Variants in ADD3 observed in about 807,000 individuals in gnomAD.
ADD3 encodes adducin 3, also known as gamma-adducin.
Under a neutral mutation model 80.2 loss-of-function variants are expected in ADD3, and 25 were observed. The observed-to-expected ratio is 0.31, with a 90% CI of 0.23 to 0.44. The LOEUF (loss-of-function observed/expected upper bound fraction) is 0.44. Among genes scored for constraint, ADD3 ranks in the 20% least tolerant of loss-of-function variants. The probability of loss-of-function intolerance (pLI) is 1.00; values close to 1 mark genes in which losing one functional copy is unlikely to be tolerated. For synonymous variants in ADD3, 284 were observed against 289.6 expected (o/e 0.98, Z 0.20); for missense variants, 829 against 847.5 (o/e 0.98, Z 0.27).
intron 1 of ADD3, among the ~76,000 whole-genome samples, chr10:110,067,559 G>A (rs1844119257): frequency 6.6e-6 from 1 of 152,134 alleles, no homozygotes; most frequent in Non-Finnish European, 1.5e-5. Flanking sequence ...GCTTATCTTG[G>A]ATTAAGTTTT....
At chr10:110,005,958 ACTC>A (rs1160880031), upstream of ADD3, 1 of 210,968 alleles carries the variant, frequency 4.7e-6, no homozygotes, top group South Asian at 6.2e-5. Flanking sequence ...AACACTTACT[ACTC>A]AGCATTGAGA....
At chr10:110,041,163 G>A (rs1276025525) in intron 1 of ADD3, among the ~76,000 whole-genome samples, 3 of 152,228 alleles carry the variant, frequency 2.0e-5, no homozygotes, top group Non-Finnish European at 4.4e-5. Context: ...CACAGCAGGA[G>A]ATTTTAAGTA....
chr10:110,088,176 A>G (rs1294102040), intron 1 of ADD3, among the ~76,000 whole-genome samples: 2 of 152,122 alleles, frequency 1.3e-5, no homozygotes, highest in Non-Finnish European at 2.9e-5. Flanking sequence ...TACAAACCCT[A>G]TTTTCAAATA....
chr10:110,023,401 T>C (rs1853915876), intron 1 of ADD3, among the ~76,000 whole-genome samples: 1 of 152,226 alleles, frequency 6.6e-6, no homozygotes, highest in African/African-American at 2.4e-5. Context: ...TAAATGTTTG[T>C]TGCTATATTA....
At chr10:110,003,997 C>T (rs1851540221), upstream of ADD3, among the ~76,000 whole-genome samples, 4 of 151,946 alleles carry the variant, frequency 2.6e-5, no homozygotes, top group African/African-American at 9.7e-5. Context: ...CCGTTAAGTG[C>T]CTTTATATAA....
chr10:110,085,431 A>G (rs1193289112), intron 1 of ADD3, among the ~76,000 whole-genome samples: 1 of 152,216 alleles, frequency 6.6e-6, no homozygotes, highest in African/African-American at 2.4e-5. Context: ...ATTCCCAGAA[A>G]TGGGCAATAG....
intron 1 of ADD3, among the ~76,000 whole-genome samples, chr10:110,038,352 A>T (rs1253887711): frequency 1.3e-5 from 2 of 152,306 alleles, no homozygotes; most frequent in African/African-American, 2.4e-5. Flanking sequence ...GATCTTTTGC[A>T]GCCAGCCTGT....
chr10:110,029,230 T>C (rs1182748215), intron 1 of ADD3, among the ~76,000 whole-genome samples: 1 of 152,232 alleles, frequency 6.6e-6, no homozygotes, highest in Non-Finnish European at 1.5e-5. Flanking sequence ...CAGTTTGGAA[T>C]GTAGACATTT....
At chr10:110,025,157 A>G (rs1441646778) in intron 1 of ADD3, among the ~76,000 whole-genome samples, 1 of 151,994 alleles carries the variant, frequency 6.6e-6, no homozygotes, top group African/African-American at 2.4e-5. Flanking sequence ...CGGCCTCCCA[A>G]AGTGCTGGGA....
intron 1 of ADD3, among the ~76,000 whole-genome samples, chr10:110,009,968 A>T (rs1192808630): frequency 6.6e-6 from 1 of 152,242 alleles, no homozygotes; most frequent in African/African-American, 2.4e-5. Flanking sequence ...TTTGCATGAT[A>T]GAAGGATAGT....
chr10:110,129,867 A>T (rs1444475855), intron 12 of ADD3, among the ~76,000 whole-genome samples: 1 of 151,564 alleles, frequency 6.6e-6, no homozygotes, highest in Non-Finnish European at 1.5e-5. Flanking sequence ...GGGTTTTGGG[A>T]GGGATGAAAA....
At chr10:110,085,209 C>T (rs951808259) in intron 1 of ADD3, among the ~76,000 whole-genome samples, 3 of 152,154 alleles carry the variant, frequency 2.0e-5, no homozygotes, top group Non-Finnish European at 2.9e-5. Context: ...GAGCCTAGAC[C>T]TCTTTAAATG....
At chr10:110,116,862 A>G (rs1850802203) in intron 4 of ADD3, among the ~76,000 whole-genome samples, 1 of 152,220 alleles carries the variant, frequency 6.6e-6, no homozygotes, top group Non-Finnish European at 1.5e-5. Context: ...TTTGGAAACA[A>G]AAGAGGATTA....
At chr10:110,068,439 G>A (rs2133606263) in intron 1 of ADD3, among the ~76,000 whole-genome samples, 1 of 152,242 alleles carries the variant, frequency 6.6e-6, no homozygotes, top group East Asian at 1.9e-4. Flanking sequence ...CATTGTATTA[G>A]GCATCATAAG....
intron 14 of ADD3, among the ~76,000 whole-genome samples, 198 bp from the exon 15 acceptor site, chr10:110,133,128 A>G (rs1853267441): frequency 6.6e-6 from 1 of 152,092 alleles, no homozygotes; most frequent in Non-Finnish European, 1.5e-5. Context: ...TGGTTTAACA[A>G]CTTTGTTCCT....
chr10:110,077,642 G>C lies in ADD3; in HGVS notation c.-29-22983G>C, dbSNP rs145860455. ...GTCAGAAGAGTTGGGGCAGGCTGCAGCCCAAAGTTCTGTTCCATGCCTCAT... is the reference window on the plus strand; with the variant it reads ...GTCAGAAGAGTTGGGGCAGGCTGCACCCCAAAGTTCTGTTCCATGCCTCAT... On this transcript the variant is annotated intron_variant, in intron 1 of 14. Coordinates refer to ENST00000356080, the MANE Select transcript of ADD3 (RefSeq NM_016824.5). 1.6e-3 allele frequency among the ~76,000 whole-genome samples: 248 copies of C among 152,278 alleles called. 1 individual carries two copies. Among genetic ancestry groups the C allele is most frequent in the African/African-American group, 5.6e-3 (233 of 41,536 alleles).
intron 1 of ADD3, among the ~76,000 whole-genome samples, chr10:110,043,930 C>T (rs994846587): frequency 1.3e-5 from 2 of 152,058 alleles, no homozygotes; most frequent in South Asian, 2.1e-4. Context: ...TTGAACAGGC[C>T]GGGTGCGGTG....
intron 4 of ADD3, 148 bp downstream of exon 4, chr10:110,116,558 T>A: frequency 2.6e-6 from 2 of 768,094 alleles, no homozygotes. Context: ...ATTTAAACCT[T>A]ATACCCAAGG....
chr10:110,127,404 G>T (rs1852313712), intron 12 of ADD3, among the ~76,000 whole-genome samples: 1 of 152,180 alleles, frequency 6.6e-6, no homozygotes, highest in South Asian at 2.1e-4. Context: ...AGATCACGAG[G>T]TCAAGAGATC....
Sources: gnomAD v4.1 joint callset for allele counts (sites outside exome capture counted in the v4.1 genomes callset) on GRCh38, gnomAD v4.1.1 for gene constraint, MANE v1.5 for transcripts, NCBI Gene and HGNC (gene_info 2026-07-23, HGNC 2026-07-21) for gene names.